The following INPP4B variants were observed in gnomAD, a reference collection of about 807,000 sequenced individuals.
The protein encoded by INPP4B is inositol polyphosphate 4-phosphatase type II.
Under a neutral mutation model 122.5 loss-of-function variants are expected in INPP4B, and 55 were observed. The observed-to-expected ratio is 0.45, with a 90% CI of 0.36 to 0.56. The LOEUF is 0.56. INPP4B is among the 20% of genes least tolerant of loss of function. INPP4B has a pLI of 0.00. For missense variants in INPP4B, 1,000 were observed against 1,097.7 expected (o/e 0.91, Z 1.26); for synonymous variants, 403 against 388.7 (o/e 1.04, Z -0.43).
intron 7 of INPP4B, among the ~76,000 whole-genome samples, chr4:142,393,214 G>A (rs1798290934): frequency 6.6e-6 from 1 of 151,834 alleles, no homozygotes. Context: ...TCTCACCTAA[G>A]TGAAAACCTG....
chr4:142,190,178 G>A (rs537980766), intron 15 of INPP4B, among the ~76,000 whole-genome samples: 1 of 147,132 alleles, frequency 6.8e-6, no homozygotes, highest in Admixed American at 7.0e-5. Flanking sequence ...GGCTATCTGG[G>A]TTTTTTATTT....
chr4:142,336,610 G>A (rs1260564155), intron 7 of INPP4B, among the ~76,000 whole-genome samples: 2 of 152,266 alleles, frequency 1.3e-5, no homozygotes, highest in Non-Finnish European at 2.9e-5. Flanking sequence ...GGGCTTCGCA[G>A]TTGCTGGAAT....
In INPP4B at chr4:142,042,850, C is replaced by T. The variant is rs183447265; in HGVS notation, c.2643-13936G>A. 3.4e-3 allele frequency among the ~76,000 whole-genome samples: 523 copies of T among 152,248 alleles called. 3 individuals carry two copies. Among genetic ancestry groups the T allele is most frequent in the Non-Finnish European group, 9.3e-4 (63 of 68,022 alleles). ...TGCTGGGATTACAGGCATGAGCCAC[C>T]GCGCCCAGACGATTCTATTAGGGTT... On this transcript the variant is annotated intron_variant, in intron 25 of 25. Transcript: ENST00000262992.
chr4:142,468,613 C>T (rs888702102), intron 2 of INPP4B, among the ~76,000 whole-genome samples: 1 of 152,082 alleles, frequency 6.6e-6, no homozygotes, highest in African/African-American at 2.4e-5. Flanking sequence ...TCCACAAGAG[C>T]TGATTCTTAA....
intron 2 of INPP4B, among the ~76,000 whole-genome samples, chr4:142,490,911 C>T (rs1821790813): frequency 6.6e-6 from 1 of 152,162 alleles, no homozygotes; most frequent in Non-Finnish European, 1.5e-5. Context: ...CTTTTTAAGG[C>T]TGAATAGTAT....
chr4:142,153,127 G>C (rs1444485253), intron 17 of INPP4B, among the ~76,000 whole-genome samples: 4 of 152,126 alleles, frequency 2.6e-5, no homozygotes, highest in Non-Finnish European at 5.9e-5. Flanking sequence ...CATTTAATAA[G>C]TGAAAAAATT....
At chr4:142,294,825 G>A (rs1296283938) in intron 9 of INPP4B, among the ~76,000 whole-genome samples, 2 of 17,816 alleles carry the variant, frequency 1.1e-4, no homozygotes, top group Non-Finnish European at 3.0e-4. Context: ...GCGAGACTCC[G>A]TCTCAAAAAA....
At chr4:142,552,728 T>C (rs1728273921) in intron 2 of INPP4B, among the ~76,000 whole-genome samples, 1 of 152,214 alleles carries the variant, frequency 6.6e-6, no homozygotes, top group South Asian at 2.1e-4. Flanking sequence ...AGTATTTTAT[T>C]ACATTATGTC....
Position 142,720,774 on chromosome 4 carries a change from T to TATA in INPP4B, c.-191+5064_-191+5065insTAT, listed in dbSNP as rs1250799464. Among the ~76,000 whole-genome samples the TATA allele has an allele frequency of 2.6e-3, 27 of 10,566 alleles. 1 individual carries two copies. In the East Asian group the frequency reaches 0.054, roughly 21 times the overall value. The allele number at this position is 10,566 out of a possible 152,430, so 6.9% of individuals were successfully genotyped here. A position where few individuals can be genotyped will look rare whatever the true frequency, so the allele number is the denominator to read the frequency against. On this transcript the variant is annotated intron_variant, in intron 2 of 25. Transcript: ENST00000262992. ...CATATATATATAATCTCTCTCTCTC[T>TATA]CTCTCTCTCTCTCTCTCTCTCTCTC...
intron 7 of INPP4B, among the ~76,000 whole-genome samples, chr4:142,364,327 A>T (rs1297737977): frequency 1.4e-5 from 2 of 148,126 alleles, no homozygotes; most frequent in African/African-American, 5.2e-5. Flanking sequence ...TTGTTTATTT[A>T]AAAAAAAATG....
chr4:142,747,616 C>A (rs1378465208), intron 1 of INPP4B, among the ~76,000 whole-genome samples: 6 of 152,106 alleles, frequency 3.9e-5, no homozygotes, highest in Non-Finnish European at 5.9e-5. Context: ...GACTTGGAAT[C>A]AACTCAAATG....
At chr4:142,453,031 C>T (rs1181031194) in intron 3 of INPP4B, among the ~76,000 whole-genome samples, 3 of 152,104 alleles carry the variant, frequency 2.0e-5, no homozygotes, top group Admixed American at 2.0e-4. Flanking sequence ...ATTGTCCACA[C>T]CTAAGGTGAC....
chr4:142,054,029 T>G (rs1201398826), intron 25 of INPP4B, among the ~76,000 whole-genome samples: 1 of 134,344 alleles, frequency 7.4e-6, no homozygotes, highest in African/African-American at 2.8e-5. Flanking sequence ...TATTTTATAA[T>G]TCTAATCGAC....
chr4:142,448,636 G>C (rs745786827), intron 3 of INPP4B, among the ~76,000 whole-genome samples: 2 of 152,168 alleles, frequency 1.3e-5, no homozygotes, highest in Non-Finnish European at 2.9e-5. Flanking sequence ...ACACGATCCA[G>C]ATGGGGATTT....
chr4:142,064,081 C>A (rs1246928681), intron 25 of INPP4B, among the ~76,000 whole-genome samples: 1 of 152,138 alleles, frequency 6.6e-6, no homozygotes, highest in African/African-American at 2.4e-5. Flanking sequence ...GAATTAATTT[C>A]TAATTATGTA....
chr4:142,223,339 T>C (rs939309382), intron 12 of INPP4B, among the ~76,000 whole-genome samples: 2 of 152,126 alleles, frequency 1.3e-5, no homozygotes, highest in African/African-American at 4.8e-5. Flanking sequence ...AATTGAGAGA[T>C]TAAATGGTGT....
chr4:142,840,911 A>G (rs1350645580), intron 1 of INPP4B, among the ~76,000 whole-genome samples: 2 of 152,080 alleles, frequency 1.3e-5, no homozygotes, highest in Non-Finnish European at 1.5e-5. Context: ...ACCCATCTCA[A>G]ATTAAAATTT....
chr4:142,315,761 C>T (rs1408560096), intron 7 of INPP4B, among the ~76,000 whole-genome samples: 1 of 151,216 alleles, frequency 6.6e-6, no homozygotes, highest in Non-Finnish European at 1.5e-5. Flanking sequence ...GAATATAAAG[C>T]AATATACAAG....
intron 2 of INPP4B, among the ~76,000 whole-genome samples, chr4:142,619,891 T>A (rs903021019): frequency 6.6e-6 from 1 of 152,028 alleles, no homozygotes; most frequent in Admixed American, 6.6e-5. Flanking sequence ...GGATACTTTC[T>A]GAAATGTTTG....
Sources: gnomAD v4.1 joint callset for allele counts (sites outside exome capture counted in the v4.1 genomes callset) on GRCh38, gnomAD v4.1.1 for gene constraint, MANE v1.5 for transcripts, NCBI Gene and HGNC (gene_info 2026-07-23, HGNC 2026-07-21) for gene names.